Variants in RGS7 observed in about 807,000 individuals in gnomAD.
The protein encoded by RGS7 is regulator of G protein signaling 7, also known as regulator of G-protein signaling 7.
In RGS7, 27 loss-of-function variants were observed where a neutral mutation model predicts 81.1. The observed-to-expected ratio is 0.33, with a 90% CI of 0.25 to 0.46. RGS7 has a LOEUF of 0.46. Among genes scored for constraint, RGS7 ranks in the 20% least tolerant of loss-of-function variants. The pLI is 1.00. For synonymous variants in RGS7, 208 were observed against 207.7 expected (o/e 1.00, Z -0.01); for missense variants, 396 against 607.4 (o/e 0.65, Z 3.66).
intron 4 of RGS7, among the ~76,000 whole-genome samples, chr1:240,958,545 A>G (rs1188005075): frequency 6.6e-6 from 1 of 151,954 alleles, no homozygotes; most frequent in Non-Finnish European, 1.5e-5. Context: ...CCTTCACCCA[A>G]CTCACTCCTT....
At chr1:240,840,084 T>C (rs150122518) in intron 9 of RGS7, among the ~76,000 whole-genome samples, 36 of 152,232 alleles carry the variant, frequency 2.4e-4, no homozygotes, top group African/African-American at 7.2e-4. Flanking sequence ...AACAGCCTTC[T>C]TATTTGTTCT....
intron 2 of RGS7, among the ~76,000 whole-genome samples, chr1:241,343,323 G>A (rs968543272): frequency 6.6e-6 from 1 of 151,864 alleles, no homozygotes; most frequent in Admixed American, 6.6e-5. Flanking sequence ...ACTTTTGGGT[G>A]TATACCAAAA....
intron 2 of RGS7, among the ~76,000 whole-genome samples, chr1:241,165,110 G>C (rs1291965009): frequency 6.6e-6 from 1 of 152,184 alleles, no homozygotes; most frequent in Non-Finnish European, 1.5e-5. Flanking sequence ...AGCATGAGAT[G>C]GGAACTAAAT....
intron 2 of RGS7, among the ~76,000 whole-genome samples, chr1:241,140,781 G>A (rs2067869004): frequency 6.6e-6 from 1 of 152,304 alleles, no homozygotes; most frequent in Middle Eastern, 3.4e-3. Context: ...TGATACAGGA[G>A]ATAAGCAAAA....
intron 14 of RGS7, among the ~76,000 whole-genome samples, 155 bp downstream of exon 14, chr1:240,811,763 A>G (rs536715241): frequency 3.3e-5 from 5 of 152,330 alleles, no homozygotes; most frequent in Admixed American, 1.3e-4. Flanking sequence ...TTGCCTTGCT[A>G]TCTCTTTTCC....
intron 3 of RGS7, among the ~76,000 whole-genome samples, chr1:241,034,537 T>C (rs1050304096): frequency 6.6e-6 from 1 of 151,822 alleles, no homozygotes; most frequent in African/African-American, 2.4e-5. Context: ...CAAGGTCCAT[T>C]TGATGACAAA....
intron 14 of RGS7, 133 bp downstream of exon 14, chr1:240,811,785 G>T: frequency 1.2e-6 from 1 of 838,290 alleles, no homozygotes; most frequent in Non-Finnish European, 2.0e-6. Flanking sequence ...TTCATTAGGT[G>T]GCAGAAATTC....
At chr1:241,060,445 A>G (rs895408814) in intron 3 of RGS7, among the ~76,000 whole-genome samples, 2 of 152,216 alleles carry the variant, frequency 1.3e-5, no homozygotes, top group Admixed American at 6.5e-5. Flanking sequence ...ATGGGAAAAC[A>G]TTCAATCAAT....
intron 3 of RGS7, among the ~76,000 whole-genome samples, chr1:240,985,226 G>T (rs189736646): frequency 6.6e-6 from 1 of 152,140 alleles, no homozygotes; most frequent in Admixed American, 6.5e-5. Flanking sequence ...CAAATCTTCC[G>T]CACAAGCCCC....
intron 2 of RGS7, among the ~76,000 whole-genome samples, chr1:241,146,599 G>A (rs2068326915): frequency 6.6e-6 from 1 of 152,120 alleles, no homozygotes; most frequent in African/African-American, 2.4e-5. Context: ...AAGGATTTAG[G>A]GACAAGATTC....
At chr1:241,202,011 G>GAAGAACACACACACACACAC (rs138116326) in intron 2 of RGS7, among the ~76,000 whole-genome samples, 1,845 of 145,006 alleles carry the variant, frequency 0.013, 40 homozygotes, top group African/African-American at 0.029. Flanking sequence ...GACACACACA[G>GAAGAACACACACACACACAC]ACACACACAC....
chr1:241,169,848 GT>G (rs1479118718), intron 2 of RGS7, among the ~76,000 whole-genome samples: 1 of 151,940 alleles, frequency 6.6e-6, no homozygotes, highest in Non-Finnish European at 1.5e-5. Flanking sequence ...GTTCGTATGC[GT>G]GTGTGAGTGC....
At position 240,820,305 on chromosome 1, in the gene RGS7, G is replaced by A. The variant is rs150974207; in HGVS notation, c.685-3890C>T. The stretch of plus-strand genomic sequence containing the variant: ...TGCAATGCTTTGGCTTGATTAACAC[G>A]TTCCTTTATTCCTATGGTGCTAAGA... On this transcript the variant is annotated intron_variant, in intron 10 of 18. Transcript: ENST00000440928. 5.8e-3 allele frequency among the ~76,000 whole-genome samples: 879 copies of A among 152,234 alleles called. 9 individuals are homozygous for A. The highest frequency in any genetic ancestry group is 0.018 in the African/African-American group (768 of 41,560).
At chr1:240,928,950 T>C (rs1484918000) in intron 6 of RGS7, among the ~76,000 whole-genome samples, 1 of 152,238 alleles carries the variant, frequency 6.6e-6, no homozygotes, top group Non-Finnish European at 1.5e-5. Flanking sequence ...GCAGTGTATC[T>C]GCCAGGCAAT....
chr1:240,792,144 GAGCTAATGGTCATATAT>G, intron 18 of RGS7, among the ~76,000 whole-genome samples: 1 of 152,290 alleles, frequency 6.6e-6, no homozygotes, highest in East Asian at 1.9e-4. Flanking sequence ...GCAACATAAT[GAGCTAATGGTCATATAT>G]AACATGATTT....
At position 241,325,943 on chromosome 1, in the gene RGS7, C is replaced by A. The variant is rs74755917; in HGVS notation, c.78+29756G>T. On this transcript the variant is annotated intron_variant, in intron 2 of 18. Coordinates refer to ENST00000440928, the MANE Select transcript of RGS7 (RefSeq NM_001364886.1). The stretch of plus-strand genomic sequence containing the variant: ...TTTTTTCTTTTTTTTCACTATGCTC[C>A]TCTGCTCTCTACTCAAGAGGCTACC... Among the ~76,000 whole-genome samples the A allele has an allele frequency of 1.1e-3, 160 of 152,160 alleles. 3 individuals carry two copies. The highest frequency in any genetic ancestry group is 3.6e-3 in the African/African-American group (151 of 41,516).
At chr1:241,013,178 T>G (rs910561073) in intron 3 of RGS7, among the ~76,000 whole-genome samples, 1 of 149,620 alleles carries the variant, frequency 6.7e-6, no homozygotes, top group African/African-American at 2.5e-5. Flanking sequence ...TTCTCGTGCC[T>G]CAGCCTTCCC....
intron 9 of RGS7, among the ~76,000 whole-genome samples, chr1:240,850,345 CG>C (rs373339106): frequency 1.5e-3 from 235 of 152,228 alleles, no homozygotes; most frequent in African/African-American, 5.2e-3. Context: ...TCATTATTAT[CG>C]TATCTGCCAT....
chr1:240,942,751 A>G lies in RGS7; in HGVS notation c.227-6045T>C, dbSNP rs554243081. On this transcript the variant is annotated intron_variant, in intron 4 of 18. Coordinates refer to ENST00000440928, the MANE Select transcript of RGS7 (RefSeq NM_001364886.1). ...GAGCCATAAAAAGAAGATATGTTAG[A>G]CTTGTTACTTTCTGTTTAAGAAGAC... Among the ~76,000 whole-genome samples the G allele has an allele frequency of 4.6e-5, 7 of 152,328 alleles. No individual in the cohort carries two copies. In the East Asian group the frequency reaches 1.4e-3, roughly 29 times the overall value.
Sources: allele counts gnomAD v4.1 joint callset (sites outside exome capture counted in the v4.1 genomes callset), GRCh38; gene constraint gnomAD v4.1.1; transcripts MANE v1.5; gene names NCBI Gene and HGNC (gene_info 2026-07-23, HGNC 2026-07-21).